Variants in DCAKD observed in about 807,000 individuals in gnomAD.
DCAKD encodes the protein dephospho-CoA kinase domain-containing protein.
In DCAKD, 15 loss-of-function variants were observed where a neutral mutation model predicts 18.7. The observed-to-expected ratio is 0.80, with a 90% CI of 0.54 to 1.24. The LOEUF (loss-of-function observed/expected upper bound fraction) is 1.24. Among genes scored for constraint, DCAKD ranks in the 50% most tolerant of loss-of-function variants. The pLI is 0.00. For synonymous variants in DCAKD, 130 were observed against 133.0 expected (o/e 0.98, Z 0.16); for missense variants, 301 against 322.0 (o/e 0.93, Z 0.50).
chr17:45,060,253 G>A (rs1597995635), intron 1 of DCAKD, among the ~76,000 whole-genome samples: 2 of 152,118 alleles, frequency 1.3e-5, no homozygotes, highest in African/African-American at 4.8e-5. Context: ...GCTGGGTGCC[G>A]TGGCTCACGT....
In DCAKD at chr17:45,051,545, C is replaced by A. The variant is rs995343453; in HGVS notation, c.-299G>T. 1 of 151,482 alleles carries A rather than the reference C, an allele frequency of 6.6e-6. No individual in the cohort carries two copies. Among genetic ancestry groups the A allele is most frequent in the Non-Finnish European group, 1.5e-5 (1 of 67,830 alleles). The allele number at this position is 151,482 out of a possible 1,614,324, so 9.4% of individuals were successfully genotyped here. On this transcript the variant is annotated 5_prime_UTR_variant, in exon 1 of 5. Coordinates refer to ENST00000651974, the MANE Select transcript of DCAKD (RefSeq NM_001288655.2). ...GGCTCTCACCGGCCCGCGTGGCGCG[C>A]TACGTACCCAGCGCCTCCGCCGTGG...
At chr17:45,058,812 G>A (rs1257945492) in intron 1 of DCAKD, among the ~76,000 whole-genome samples, 2 of 152,110 alleles carry the variant, frequency 1.3e-5, no homozygotes, top group Non-Finnish European at 2.9e-5. Flanking sequence ...CTTAGACCCC[G>A]GAGAGTTGAG....
Position 45,024,085 on chromosome 17 carries a change from A to G in DCAKD, c.*348T>C. 8.6e-6 allele frequency: 2 copies of G among 233,032 alleles called. No individual in the cohort carries two copies. The highest frequency in any genetic ancestry group is 1.7e-5 in the Non-Finnish European group (2 of 117,002). The allele number at this position is 233,032 out of a possible 1,614,324, so 14.4% of individuals were successfully genotyped here. A position where few individuals can be genotyped will look rare whatever the true frequency, so the allele number is the denominator to read the frequency against. ...GCCTCCCAGCTCTGAGGAGGGCCACAGAGCCAGTATTCCCTACCCCCACCC... is the reference window on the plus strand; with the variant it reads ...GCCTCCCAGCTCTGAGGAGGGCCACGGAGCCAGTATTCCCTACCCCCACCC... On this transcript the variant is annotated 3_prime_UTR_variant, in exon 5 of 5. Coordinates refer to ENST00000651974, the MANE Select transcript of DCAKD (RefSeq NM_001288655.2).
chr17:45,041,733 C>G (rs145479215), intron 1 of DCAKD, among the ~76,000 whole-genome samples: 1 of 151,662 alleles, frequency 6.6e-6, no homozygotes, highest in South Asian at 2.1e-4. Context: ...ACACCAGGCA[C>G]GAGAAGGGGT....
chr17:45,054,256 T>TA (rs1415017227), upstream of DCAKD: 1 of 447,226 alleles, frequency 2.2e-6, no homozygotes, highest in African/African-American at 2.1e-5. Context: ...TTTTATTTAT[T>TA]TTTTTTTTTG....
intron 1 of DCAKD, among the ~76,000 whole-genome samples, 175 bp downstream of exon 1, chr17:45,051,186 C>T (rs1279271277): frequency 6.6e-6 from 1 of 152,176 alleles, no homozygotes; most frequent in East Asian, 1.9e-4. Context: ...TCAATCGGCC[C>T]GCAAAGTTCT....
upstream of DCAKD, among the ~76,000 whole-genome samples, chr17:45,052,085 T>C (rs567554399): frequency 4.0e-5 from 4 of 100,390 alleles, no homozygotes; most frequent in African/African-American, 1.5e-4. Context: ...GCGGGAGAGG[T>C]TGGGCGGGAG....
rs538446693 is a variant in DCAKD at position 45,025,194 on chromosome 17, G to A, written c.405-470C>T. 2.6e-5 allele frequency among the ~76,000 whole-genome samples: 4 copies of A among 152,034 alleles called. No individual in the cohort carries two copies. The East Asian group carries it at 5.8e-4, about 22-fold the overall frequency. On this transcript the variant is annotated intron_variant, in intron 4 of 4. Transcript: ENST00000651974. ...AGACGCTTCCTGCAGTTCCCCTGGG[G>A]GCCTGGGTCTTCAGTATCAAAAATA...
At chr17:45,028,114 T>C (rs569826293) in intron 4 of DCAKD, among the ~76,000 whole-genome samples, 3 of 143,318 alleles carry the variant, frequency 2.1e-5, no homozygotes, top group East Asian at 2.0e-4. Context: ...TCTAAGATCC[T>C]TTTTTTTTTT....
intron 1 of DCAKD, among the ~76,000 whole-genome samples, chr17:45,038,425 C>T (rs1467131754): frequency 6.6e-6 from 1 of 152,142 alleles, no homozygotes; most frequent in Non-Finnish European, 1.5e-5. Context: ...GACTTCCCAC[C>T]AGCAGCTATT....
At chr17:45,023,341 T>A (rs2052982195), downstream of DCAKD, 1 of 152,176 alleles carries the variant, frequency 6.6e-6, no homozygotes. Context: ...CTGGGAATCT[T>A]GGTTGGTCTG....
At chr17:45,060,556 T>G (rs1261047892) in intron 1 of DCAKD, among the ~76,000 whole-genome samples, 2 of 150,972 alleles carry the variant, frequency 1.3e-5, no homozygotes, top group Non-Finnish European at 3.0e-5. Context: ...AAAAAAAGGG[T>G]CGTTGTGGAA....
chr17:45,029,966 C>T (rs945621143), intron 4 of DCAKD, 126 bp downstream of exon 4: 267 of 847,182 alleles, frequency 3.2e-4, no homozygotes, highest in Middle Eastern at 2.4e-4. Context: ...ACCCTGAGCA[C>T]TGCTGCCCAA....
In DCAKD at chr17:45,030,191, T is replaced by G. The variant is rs201327450; in HGVS notation, c.317-12A>C. The G allele has an allele frequency of 2.5e-6, 4 of 1,612,284 alleles. No individual in the cohort carries two copies. The highest frequency in any genetic ancestry group is 3.4e-6 in the Non-Finnish European group (4 of 1,178,666). The stretch of plus-strand genomic sequence containing the variant: ...CACGTAGCGGTATCCTGGGGAGAGG[T>G]TGGAAATCCCCCAAGTTCAATTCTG... On this transcript the variant is annotated splice_polypyrimidine_tract_variant and intron_variant, in intron 3 of 4. Transcript: ENST00000651974.
At chr17:45,048,851 C>A (rs1239384850) in intron 1 of DCAKD, among the ~76,000 whole-genome samples, 1 of 151,464 alleles carries the variant, frequency 6.6e-6, no homozygotes, top group Non-Finnish European at 1.5e-5. Context: ...ACCAGCAGCA[C>A]AAGGGCTGTT....
intron 1 of DCAKD, among the ~76,000 whole-genome samples, chr17:45,059,572 T>A (rs888053605): frequency 1.2e-4 from 18 of 152,182 alleles, no homozygotes; most frequent in African/African-American, 4.1e-4. Context: ...AAAAACAGAT[T>A]AAAATGTGGC....
intron 1 of DCAKD, among the ~76,000 whole-genome samples, chr17:45,037,290 GCTCT>G (rs1022125603): frequency 1.4e-4 from 21 of 152,022 alleles, no homozygotes; most frequent in Non-Finnish European, 2.1e-4. Flanking sequence ...ATACAGCAAG[GCTCT>G]CTCTCTATTA....
chr17:45,026,900 G>C (rs1233154587), intron 4 of DCAKD: 5 of 871,920 alleles, frequency 5.7e-6, no homozygotes, highest in African/African-American at 1.8e-5. Flanking sequence ...GTGTGGCCCA[G>C]ACCACAGAGC....
intron 4 of DCAKD, among the ~76,000 whole-genome samples, chr17:45,027,500 A>G (rs1483589302): frequency 6.6e-6 from 1 of 152,244 alleles, no homozygotes; most frequent in African/African-American, 2.4e-5. Flanking sequence ...CCTCTCTGGC[A>G]TCTCTCAAGA....
Sources: allele counts gnomAD v4.1 joint callset (sites outside exome capture counted in the v4.1 genomes callset), GRCh38; gene constraint gnomAD v4.1.1; transcripts MANE v1.5; gene names NCBI Gene and HGNC (gene_info 2026-07-23, HGNC 2026-07-21).